LRRIQ1: variants seen among roughly 807,000 people sequenced by gnomAD.
LRRIQ1 encodes leucine-rich repeat- and IQ domain-containing protein 1.
A neutral mutation model predicts 211.9 loss-of-function variants in LRRIQ1; 210 were observed. That is an observed-to-expected ratio of 0.99 (90% CI 0.89 to 1.11). LRRIQ1 has a LOEUF of 1.11. Among genes scored for constraint, LRRIQ1 ranks in the 50% most tolerant of loss-of-function variants. LRRIQ1 has a pLI of 0.00. For missense variants in LRRIQ1, 2,136 were observed against 1,939.5 expected, an observed-to-expected ratio of 1.10 and a Z score of -1.90; for synonymous variants, 699 against 650.1, an observed-to-expected ratio of 1.08 and a Z score of -1.14.
chr12:85,244,107 C>T (rs998468577), intron 26 of LRRIQ1, among the ~76,000 whole-genome samples: 1 of 151,478 alleles, frequency 6.6e-6, no homozygotes, highest in Admixed American at 6.6e-5. Flanking sequence ...TTATGTACAA[C>T]ACTGTTTTAT....
chr12:85,131,823 A>G (rs1430929441), intron 18 of LRRIQ1, among the ~76,000 whole-genome samples: 1 of 152,172 alleles, frequency 6.6e-6, no homozygotes, highest in African/African-American at 2.4e-5. Flanking sequence ...TGATTTGAAT[A>G]TATGAGAAAG....
In LRRIQ1 at chr12:85,056,990, A is replaced by G. The variant is rs760769738; in HGVS notation, c.2197A>G (p.Thr733Ala). ...CATGACCTGCTGTGTATCAGAGTCA[A>G]CCCTTCTATATTCTATTGAAGAAAG... Reference protein sequence around the residue: ...DSMTCCVSESTLLYSIEERRL... With the variant: ...DSMTCCVSESALLYSIEERRL... The change falls in exon 8 of 27, where the codon ACC (threonine) becomes GCC (alanine). Residue 733 changes from threonine (T) to alanine (A), a missense_variant. Coordinates refer to ENST00000393217, the MANE Select transcript of LRRIQ1 (RefSeq NM_001079910.2). 1.1e-5 allele frequency: 18 copies of G among 1,608,736 alleles called. No individual in the cohort carries two copies. The highest frequency in any genetic ancestry group is 1.4e-5 in the Non-Finnish European group (17 of 1,178,182).
At chr12:85,164,687 A>T (rs1035149250) in intron 24 of LRRIQ1, among the ~76,000 whole-genome samples, 1 of 152,190 alleles carries the variant, frequency 6.6e-6, no homozygotes, top group Non-Finnish European at 1.5e-5. Context: ...CATTTTACAG[A>T]TGATAAAACA....
chr12:85,115,177 C>T (rs192824450), intron 15 of LRRIQ1, among the ~76,000 whole-genome samples: 1 of 151,990 alleles, frequency 6.6e-6, no homozygotes, highest in African/African-American at 2.4e-5. Context: ...TAGGAGGCGC[C>T]CAGCTGGAAA....
intron 26 of LRRIQ1, among the ~76,000 whole-genome samples, chr12:85,233,746 A>G (rs1195029794): frequency 6.6e-6 from 1 of 152,146 alleles, no homozygotes; most frequent in East Asian, 1.9e-4. Flanking sequence ...TACTCAGCAA[A>G]TATCTTCTTG....
intron 23 of LRRIQ1, among the ~76,000 whole-genome samples, chr12:85,156,932 TATGGTAG>T: frequency 6.6e-6 from 1 of 151,824 alleles, no homozygotes; most frequent in African/African-American, 2.4e-5. Flanking sequence ...TTGCAAGAAG[TATGGTAG>T]CTTTAATTCA....
chr12:85,245,221 A>T (rs1895664250), downstream of LRRIQ1: 1 of 289,480 alleles, frequency 3.5e-6, no homozygotes, highest in Non-Finnish European at 6.1e-6. Flanking sequence ...TTTTAGACTA[A>T]TTGTAAGATG....
intron 24 of LRRIQ1, among the ~76,000 whole-genome samples, chr12:85,229,273 T>C (rs539107246): frequency 6.6e-6 from 1 of 152,256 alleles, no homozygotes; most frequent in East Asian, 1.9e-4. Flanking sequence ...ACAAACCCTA[T>C]AAATGGTGAT....
At chr12:85,171,483 A>G (rs758401260) in intron 24 of LRRIQ1, among the ~76,000 whole-genome samples, 3 of 152,188 alleles carry the variant, frequency 2.0e-5, no homozygotes, top group Non-Finnish European at 4.4e-5. Flanking sequence ...AAAATCGAAG[A>G]CAAAGACAGA....
intron 18 of LRRIQ1, among the ~76,000 whole-genome samples, chr12:85,134,854 T>A (rs1889012372): frequency 6.6e-6 from 1 of 152,042 alleles, no homozygotes; most frequent in Non-Finnish European, 1.5e-5. Flanking sequence ...TATTGACTCT[T>A]TTAAAACCCA....
intron 26 of LRRIQ1, 31 bp downstream of exon 26, chr12:85,232,787 T>TTAAAAAAAAATGTGCTTAAA: frequency 6.6e-7 from 1 of 1,519,628 alleles, no homozygotes; most frequent in Non-Finnish European, 9.1e-7. Flanking sequence ...TACAGAAAAA[T>TTAAAAAAAAATGTGCTTAAA]GTTGTAGACA....
chr12:85,203,878 A>C (rs1484419076), intron 24 of LRRIQ1, among the ~76,000 whole-genome samples: 1 of 152,200 alleles, frequency 6.6e-6, no homozygotes, highest in Admixed American at 6.5e-5. Flanking sequence ...GGAGAAGGTC[A>C]AGCAGGCTGC....
chr12:85,207,388 A>G (rs1893612869), intron 24 of LRRIQ1, among the ~76,000 whole-genome samples: 1 of 152,002 alleles, frequency 6.6e-6, no homozygotes. Context: ...AAAAATTATT[A>G]TTGAGTTTTA....
intron 1 of LRRIQ1, among the ~76,000 whole-genome samples, chr12:85,258,359 A>G (rs1045690418): frequency 9.9e-5 from 15 of 151,920 alleles, no homozygotes; most frequent in African/African-American, 3.6e-4. Context: ...GAGAAACAAA[A>G]GTTTTATTAA....
At chr12:85,240,080 A>G (rs1895393686) in intron 26 of LRRIQ1, among the ~76,000 whole-genome samples, 1 of 152,194 alleles carries the variant, frequency 6.6e-6, no homozygotes, top group Admixed American at 6.6e-5. Context: ...CTAAACCAAA[A>G]GTTACAAATC....
Position 85,040,640 on chromosome 12 carries a change from T to C in LRRIQ1, c.244+39T>C. 2.4e-6 allele frequency: 3 copies of C among 1,226,258 alleles called. No individual in the cohort carries two copies. In the South Asian group the frequency reaches 4.0e-5, roughly 16 times the overall value. The allele number at this position is 1,226,258 out of a possible 1,614,324, so 76.0% of individuals were successfully genotyped here. ...TCATCTGTCTGGCAGATAAGCTTTCTGTAAGTATGAACAAATTATAATTTA... is the reference window on the plus strand; with the variant it reads ...TCATCTGTCTGGCAGATAAGCTTTCCGTAAGTATGAACAAATTATAATTTA... On this transcript the variant is annotated intron_variant, in intron 3 of 26. Transcript: ENST00000393217.
At position 85,056,325 on chromosome 12, in the gene LRRIQ1, A is replaced by G; in HGVS notation, c.1532A>G (p.Glu511Gly). 2.5e-6 allele frequency: 4 copies of G among 1,598,344 alleles called. No individual in the cohort carries two copies. The highest frequency in any genetic ancestry group is 3.4e-6 in the Non-Finnish European group (4 of 1,175,846). ...TATGAAAATACAGATAACAAAACTGAATTGGGAAACTCTGATCTAAAAGGA... is the reference window on the plus strand; with the variant it reads ...TATGAAAATACAGATAACAAAACTGGATTGGGAAACTCTGATCTAAAAGGA... Reference protein sequence around the residue: ...RKYENTDNKTELGNSDLKGNL... With the variant: ...RKYENTDNKTGLGNSDLKGNL... The change falls in exon 8 of 27, where the codon GAA (glutamate) becomes GGA (glycine). Residue 511 changes from glutamate to glycine, a missense_variant. Glu to Gly is a moderately conservative substitution (Grantham distance 98). Transcript: ENST00000393217.
chr12:85,139,462 A>G (rs1889364636), intron 19 of LRRIQ1, among the ~76,000 whole-genome samples: 1 of 151,500 alleles, frequency 6.6e-6, no homozygotes, highest in South Asian at 2.1e-4. Context: ...CCTAACTGCA[A>G]GAGGTAAATA....
At chr12:85,270,246 T>C in the LRRIQ1 span, among the ~76,000 whole-genome samples, 2 of 152,138 alleles carry the variant, frequency 1.3e-5, no homozygotes, top group African/African-American at 4.8e-5. Flanking sequence ...ACAATTGGAA[T>C]ATTTTAACAG....
Sources: gnomAD v4.1 joint callset for allele counts (sites outside exome capture counted in the v4.1 genomes callset) on GRCh38, gnomAD v4.1.1 for gene constraint, MANE v1.5 for transcripts, NCBI Gene and HGNC (gene_info 2026-07-23, HGNC 2026-07-21) for gene names.